DIAPH2: variants seen among roughly 807,000 people sequenced by gnomAD.
DIAPH2 encodes diaphanous related formin 2.
Under a neutral mutation model 92.7 loss-of-function variants are expected in DIAPH2, and 35 were observed. That is an observed-to-expected ratio of 0.38 (90% CI 0.29 to 0.50). DIAPH2 has a LOEUF of 0.50. Ranked by LOEUF, DIAPH2 falls within the 20% of genes least tolerant of loss-of-function variation. The pLI is 0.94. For synonymous variants in DIAPH2, 301 were observed against 280.4 expected, an observed-to-expected ratio of 1.07 and a Z score of -0.73; for missense variants, 701 against 819.5, an observed-to-expected ratio of 0.86 and a Z score of 1.77.
chrX:97,015,825 C>T (rs963732261), intron 17 of DIAPH2, among the ~76,000 whole-genome samples: 3 of 101,305 alleles, frequency 3.0e-5, no homozygotes, highest in Non-Finnish European at 4.0e-5. Context: ...TAGCAGTTTA[C>T]AGCAGATGAT....
At chrX:97,112,386 G>C (rs2066986411) in intron 20 of DIAPH2, among the ~76,000 whole-genome samples, 4 of 111,054 alleles carry the variant, frequency 3.6e-5, no homozygotes. Flanking sequence ...TAAAATGATA[G>C]AAAACCTGCT....
chrX:96,941,943 A>G, intron 12 of DIAPH2, 75 bp from the exon 13 acceptor site: 1 of 566,733 alleles, frequency 1.8e-6, no homozygotes, highest in South Asian at 2.8e-5. Flanking sequence ...TTCTTCTAAT[A>G]TGTTGAATGT....
At chrX:96,830,884 C>T (rs1405175602) in intron 4 of DIAPH2, among the ~76,000 whole-genome samples, 3 of 111,261 alleles carry the variant, frequency 2.7e-5, no homozygotes, top group Non-Finnish European at 1.9e-5. Context: ...AGGGGCATTT[C>T]GTGATATCTA....
intron 25 of DIAPH2, among the ~76,000 whole-genome samples, chrX:97,398,585 CCT>C (rs2069725342): frequency 9.0e-6 from 1 of 110,552 alleles, no homozygotes; most frequent in Non-Finnish European, 1.9e-5. Flanking sequence ...TCTCCCTCAT[CCT>C]CTCTCTTTTT....
At chrX:97,399,788 T>C (rs1038073279) in intron 25 of DIAPH2, among the ~76,000 whole-genome samples, 6 of 112,769 alleles carry the variant, frequency 5.3e-5, no homozygotes, top group African/African-American at 1.9e-4. Flanking sequence ...TTCTCTTTCA[T>C]TACATTTCTG....
intron 23 of DIAPH2, among the ~76,000 whole-genome samples, chrX:97,253,892 A>G (rs1202645767): frequency 8.9e-6 from 1 of 112,537 alleles, no homozygotes; most frequent in Non-Finnish European, 1.9e-5. Flanking sequence ...AGACCTTACT[A>G]TACAACGAGG....
At chrX:96,818,848 T>C (rs1425737579) in intron 4 of DIAPH2, among the ~76,000 whole-genome samples, 1 of 112,818 alleles carries the variant, frequency 8.9e-6, no homozygotes, top group Non-Finnish European at 1.9e-5. Context: ...TTGGCACCAG[T>C]GGCCGATTTT....
intron 17 of DIAPH2, among the ~76,000 whole-genome samples, chrX:97,041,487 CT>C (rs1225415321): frequency 2.7e-5 from 3 of 110,886 alleles, no homozygotes; most frequent in Middle Eastern, 4.6e-3. Flanking sequence ...ATGAATATTT[CT>C]TTATATCTTC....
At chrX:97,503,745 A>G (rs2070814012) in intron 26 of DIAPH2, among the ~76,000 whole-genome samples, 1 of 112,160 alleles carries the variant, frequency 8.9e-6, no homozygotes, top group Admixed American at 9.5e-5. Context: ...GTTTAAAAGT[A>G]TGTAGGGAGC....
At chrX:97,452,667 A>T (rs2070369063) in intron 26 of DIAPH2, among the ~76,000 whole-genome samples, 1 of 112,193 alleles carries the variant, frequency 8.9e-6, no homozygotes, top group Non-Finnish European at 1.9e-5. Flanking sequence ...CTAGTATTCC[A>T]GAATTATCTG....
chrX:97,198,344 A>G (rs1258306024), intron 22 of DIAPH2, among the ~76,000 whole-genome samples: 9 of 109,106 alleles, frequency 8.2e-5, no homozygotes, highest in Admixed American at 7.0e-4. Context: ...ATATGTGTGT[A>G]TATATATATT....
intron 22 of DIAPH2, among the ~76,000 whole-genome samples, chrX:97,234,662 T>G (rs1438111434): frequency 1.8e-5 from 2 of 112,321 alleles, no homozygotes; most frequent in Non-Finnish European, 3.8e-5. Context: ...ACTTTATTTA[T>G]GGACACTGAA....
chrX:97,495,510 G>A (rs1052376576), intron 26 of DIAPH2, among the ~76,000 whole-genome samples: 1 of 111,319 alleles, frequency 9.0e-6, no homozygotes, highest in African/African-American at 3.3e-5. Flanking sequence ...ATATTTAAGT[G>A]GTACCAAGGT....
At chrX:97,048,588 A>G (rs2066499848) in intron 17 of DIAPH2, among the ~76,000 whole-genome samples, 1 of 111,141 alleles carries the variant, frequency 9.0e-6, no homozygotes, top group African/African-American at 3.3e-5. Context: ...GACCATGCAC[A>G]TATCTTGCTC....
chrX:96,856,899 C>T (rs1040791692), intron 4 of DIAPH2, among the ~76,000 whole-genome samples: 5 of 110,024 alleles, frequency 4.5e-5, no homozygotes, highest in African/African-American at 6.6e-5. Context: ...ATTAGCTGGA[C>T]GTGTTGGCTG....
At position 97,517,826 on chromosome X, in the gene DIAPH2, A is replaced by T. The variant is rs139687348; in HGVS notation, c.3242-81427A>T. ...AAATGCAATTTTTCCAAAGTTGGAC[A>T]TATGGCTGATGTCAGAACCAGCAAA... On this transcript the variant is annotated intron_variant, in intron 26 of 26. Coordinates refer to ENST00000324765, the MANE Select transcript of DIAPH2 (RefSeq NM_006729.5). Among the ~76,000 whole-genome samples, 398 of 112,494 alleles carry T rather than the reference A, an allele frequency of 3.5e-3. 2 individuals carry two copies. Among genetic ancestry groups the T allele is most frequent in the African/African-American group, 0.012 (371 of 30,988 alleles).
intron 26 of DIAPH2, among the ~76,000 whole-genome samples, chrX:97,500,304 G>A (rs764591590): frequency 9.0e-6 from 1 of 111,311 alleles, no homozygotes; most frequent in South Asian, 3.8e-4. Context: ...TTTTTCCTTT[G>A]TCCTTCAAGA....
At chrX:97,554,269 A>G (rs1042719465) in intron 26 of DIAPH2, among the ~76,000 whole-genome samples, 2 of 111,731 alleles carry the variant, frequency 1.8e-5, no homozygotes, top group African/African-American at 6.5e-5. Flanking sequence ...CTATGGGGGA[A>G]TTTTTGCATA....
At position 97,055,867 on chromosome X, in the gene DIAPH2, C is replaced by T. The variant is rs552191952; in HGVS notation, c.2051-17074C>T. Among the ~76,000 whole-genome samples, 5 of 111,364 alleles carry T rather than the reference C, an allele frequency of 4.5e-5. No individual in the cohort carries two copies. In the South Asian group the frequency reaches 1.5e-3, roughly 34 times the overall value. On this transcript the variant is annotated intron_variant, in intron 17 of 26. Transcript: ENST00000324765. Reference sequence around the variant, plus strand: ...TAATAAATTCAGTAGCTTCCTATATCGATGTATATACATATAGGTAAATAT... The same window carrying T: ...TAATAAATTCAGTAGCTTCCTATATTGATGTATATACATATAGGTAAATAT...
Sources: gnomAD v4.1 joint callset for allele counts (sites outside exome capture counted in the v4.1 genomes callset) on GRCh38, gnomAD v4.1.1 for gene constraint, MANE v1.5 for transcripts, NCBI Gene and HGNC (gene_info 2026-07-23, HGNC 2026-07-21) for gene names.